Variants in GPR155 observed in about 807,000 individuals in gnomAD.
The protein encoded by GPR155 is G protein-coupled receptor 155.
Under a neutral mutation model 93.1 loss-of-function variants are expected in GPR155, and 65 were observed. The ratio of observed to expected loss-of-function variants is 0.70; its 90% CI spans 0.57 to 0.86. GPR155 has a LOEUF of 0.86. Ranked by LOEUF, GPR155 falls within the 40% of genes least tolerant of loss-of-function variation. GPR155 has a pLI of 0.00. For missense variants in GPR155, 838 were observed against 1,034.8 expected, an observed-to-expected ratio of 0.81 and a Z score of 2.61; for synonymous variants, 319 against 360.1, an observed-to-expected ratio of 0.89 and a Z score of 1.29.
intron 1 of GPR155, among the ~76,000 whole-genome samples, chr2:174,483,389 A>G (rs182340002): frequency 1.1e-4 from 16 of 152,330 alleles, no homozygotes; most frequent in Non-Finnish European, 2.1e-4. Flanking sequence ...GTTAAAAAAT[A>G]CAAAATGTTT....
At chr2:174,444,825 G>C (rs552826072) in intron 13 of GPR155, among the ~76,000 whole-genome samples, 6 of 152,002 alleles carry the variant, frequency 3.9e-5, no homozygotes, top group Non-Finnish European at 8.8e-5. Flanking sequence ...TCACACCAAA[G>C]TTACTACCTG....
chr2:174,442,076 C>A (rs7574442), intron 14 of GPR155, 43 bp downstream of exon 14: 1 of 979,384 alleles, frequency 1.0e-6, no homozygotes, highest in South Asian at 1.3e-5. Context: ...ATGGCTTTGT[C>A]ATCACATTTA....
At chr2:174,467,581 G>A (rs1010565220) in intron 5 of GPR155, among the ~76,000 whole-genome samples, 13 of 152,300 alleles carry the variant, frequency 8.5e-5, no homozygotes, top group Admixed American at 2.6e-4. Context: ...CAACTATTCA[G>A]GGAAGGAGCT....
intron 2 of GPR155, among the ~76,000 whole-genome samples, chr2:174,474,447 C>T (rs1688085768): frequency 6.6e-6 from 1 of 152,200 alleles, no homozygotes; most frequent in African/African-American, 2.4e-5. Context: ...AGTAGAGTCA[C>T]ATCAATGCAC....
At chr2:174,471,394 CAAA>C (rs1156941389) in intron 3 of GPR155, among the ~76,000 whole-genome samples, 2 of 43,478 alleles carry the variant, frequency 4.6e-5, no homozygotes, top group Non-Finnish European at 4.6e-5. Flanking sequence ...GACTCTGTCT[CAAA>C]AAAAAAAAAA....
rs1686707630 is a variant in GPR155, at chr2:174,434,111, C to G, written c.*2005G>C. ...GGGTAGCTGGGATTACAGGTGCACA[C>G]CACCACACCTGGCTAATTTTTTTTT... On this transcript the variant is annotated 3_prime_UTR_variant, in exon 16 of 16. Transcript: ENST00000392552. 6.6e-6 allele frequency: 1 copy of G among 150,862 alleles called. No individual in the cohort carries two copies. Among genetic ancestry groups the G allele is most frequent in the Non-Finnish European group, 1.5e-5 (1 of 67,888 alleles). 9.3% of individuals were successfully genotyped at this position (150,862 alleles called of 1,614,324 possible).
At chr2:174,445,895 CT>C (rs869126506) in intron 12 of GPR155, among the ~76,000 whole-genome samples, 10,239 of 143,986 alleles carry the variant, frequency 0.071, 1,101 homozygotes, top group African/African-American at 0.24. Flanking sequence ...TTTTGGTTTT[CT>C]TTTTTTTTTT....
intron 5 of GPR155, among the ~76,000 whole-genome samples, chr2:174,467,545 T>G (rs993260987): frequency 1.3e-5 from 2 of 152,232 alleles, no homozygotes; most frequent in Non-Finnish European, 2.9e-5. Flanking sequence ...ACCTTCCGTG[T>G]CTGGGGTGGG....
chr2:174,480,571 A>G (rs1688289815), intron 2 of GPR155, among the ~76,000 whole-genome samples: 1 of 152,234 alleles, frequency 6.6e-6, no homozygotes, highest in Non-Finnish European at 1.5e-5. Context: ...AGATATGTCA[A>G]TATCCCAAAC....
Position 174,465,798 on chromosome 2 carries a change from G to A in GPR155, c.1371C>T (p.Thr457=). The stretch of plus-strand genomic sequence containing the variant: ...AATCCAACTCACCTGTCCACAGGTA[G>A]GTGCTATAGAGGGAGCTGTACAATA... ...FVLLYSSLYS[T]YLWTGLLAIS... is the part of the protein sequence containing the mutation. The change falls in exon 7 of 16, where the codon ACC becomes ACT. Residue 457 remains threonine (T), a synonymous_variant. Coordinates refer to ENST00000392552, the MANE Select transcript of GPR155 (RefSeq NM_152529.7). The A allele has an allele frequency of 6.4e-7, 1 of 1,557,432 alleles. No individual in the cohort carries two copies. The highest frequency in any genetic ancestry group is 8.8e-7 in the Non-Finnish European group (1 of 1,130,346).
chr2:174,448,511 T>G (rs993043265), intron 11 of GPR155, among the ~76,000 whole-genome samples: 10 of 132,976 alleles, frequency 7.5e-5, no homozygotes, highest in African/African-American at 2.9e-4. Flanking sequence ...ACTGGGAAGT[T>G]TTTTGTTTTT....
At chr2:174,447,467 TTA>T (rs910699120) in intron 11 of GPR155, among the ~76,000 whole-genome samples, 1 of 145,432 alleles carries the variant, frequency 6.9e-6, no homozygotes, top group Non-Finnish European at 1.5e-5. Flanking sequence ...CAATTATATA[TTA>T]TGTTATAAAT....
rs140686258 is a variant in GPR155, at chr2:174,433,165, A to G, written c.*2951T>C. 2 of 152,318 alleles carry G rather than the reference A, an allele frequency of 1.3e-5. No homozygotes were observed. Among genetic ancestry groups the G allele is most frequent in the Non-Finnish European group, 2.9e-5 (2 of 68,026 alleles). The allele number at this position is 152,318 out of a possible 1,614,324, so 9.4% of individuals were successfully genotyped here. A position where few individuals can be genotyped will look rare whatever the true frequency, so the allele number is the denominator to read the frequency against. On this transcript the variant is annotated 3_prime_UTR_variant, in exon 16 of 16. Coordinates refer to ENST00000392552, the MANE Select transcript of GPR155 (RefSeq NM_152529.7). Reference sequence around the variant, plus strand: ...AATAACTTTTTTACATGAGACACTTAAAGTATAATTAAATAAATATCTGAA... The same window carrying G: ...AATAACTTTTTTACATGAGACACTTGAAGTATAATTAAATAAATATCTGAA...
chr2:174,467,538 T>C (rs1002662005), intron 5 of GPR155, among the ~76,000 whole-genome samples: 1 of 152,206 alleles, frequency 6.6e-6, no homozygotes, highest in Non-Finnish European at 1.5e-5. Context: ...TATGCCTACC[T>C]TCCGTGTCTG....
At chr2:174,476,508 G>A (rs1252326448) in intron 2 of GPR155, among the ~76,000 whole-genome samples, 1 of 152,140 alleles carries the variant, frequency 6.6e-6, no homozygotes, top group Admixed American at 6.5e-5. Context: ...GGAGGCTGAG[G>A]CAGGATAATT....
At chr2:174,456,834 T>C (rs1687533721) in intron 10 of GPR155, among the ~76,000 whole-genome samples, 1 of 152,142 alleles carries the variant, frequency 6.6e-6, no homozygotes, top group South Asian at 2.1e-4. Context: ...TATATAAAAA[T>C]GTAAAAGCAT....
chr2:174,464,305 C>A (rs1687780763), intron 7 of GPR155, among the ~76,000 whole-genome samples: 1 of 151,764 alleles, frequency 6.6e-6, no homozygotes. Flanking sequence ...AACTAATTAG[C>A]AAATGAAACC....
intron 11 of GPR155, 65 bp downstream of exon 11, chr2:174,453,672 A>G (rs1397326711): frequency 1.7e-5 from 13 of 748,392 alleles, no homozygotes; most frequent in South Asian, 9.4e-5. Flanking sequence ...AAAAAAGAAA[A>G]AAAAAAAAAA....
intron 10 of GPR155, among the ~76,000 whole-genome samples, chr2:174,454,182 G>C (rs544610745): frequency 1.3e-5 from 2 of 152,240 alleles, no homozygotes; most frequent in South Asian, 4.2e-4. Flanking sequence ...CTGTTGCCCA[G>C]GCTGGAGTGC....
Sources: allele counts gnomAD v4.1 joint callset (sites outside exome capture counted in the v4.1 genomes callset), GRCh38; gene constraint gnomAD v4.1.1; transcripts MANE v1.5; gene names NCBI Gene and HGNC (gene_info 2026-07-23, HGNC 2026-07-21).